ELL2: variants seen among roughly 807,000 people sequenced by gnomAD.
The protein encoded by ELL2 is elongation factor for RNA polymerase II 2.
In ELL2, 21 loss-of-function variants were observed where a neutral mutation model predicts 72.8. That is an observed-to-expected ratio of 0.29 (90% CI 0.20 to 0.42). The LOEUF is 0.42. Ranked by LOEUF, ELL2 falls within the 10% of genes least tolerant of loss-of-function variation. The probability of loss-of-function intolerance (pLI) is 1.00; values close to 1 mark genes in which losing one functional copy is unlikely to be tolerated. For missense variants in ELL2, 568 were observed against 772.8 expected (o/e 0.73, Z 3.14); for synonymous variants, 266 against 283.2 (o/e 0.94, Z 0.61).
At chr5:95,959,774 A>G (rs752734840) in intron 1 of ELL2, among the ~76,000 whole-genome samples, 3 of 152,140 alleles carry the variant, frequency 2.0e-5, no homozygotes, top group Non-Finnish European at 4.4e-5. Context: ...AAAGTCTGTG[A>G]GTCCTTTTCA....
intron 10 of ELL2, among the ~76,000 whole-genome samples, chr5:95,889,909 G>C (rs889905090): frequency 3.0e-5 from 4 of 133,776 alleles, no homozygotes; most frequent in African/African-American, 1.1e-4. Flanking sequence ...CAGGTGCCTG[G>C]GGGGGATAAT....
chr5:95,951,242 G>A (rs907199361), intron 1 of ELL2, among the ~76,000 whole-genome samples: 11 of 151,850 alleles, frequency 7.2e-5, no homozygotes, highest in African/African-American at 2.2e-4. Flanking sequence ...GGTGGTGGGC[G>A]CCTGTAGCCC....
intron 1 of ELL2, among the ~76,000 whole-genome samples, chr5:95,947,331 C>T (rs767853510): frequency 6.6e-6 from 1 of 152,168 alleles, no homozygotes; most frequent in Admixed American, 6.5e-5. Flanking sequence ...CTATTCTTCA[C>T]AACAATTTAG....
chr5:95,928,091 G>A (rs1750461922), intron 2 of ELL2, among the ~76,000 whole-genome samples: 1 of 151,938 alleles, frequency 6.6e-6, no homozygotes, highest in African/African-American at 2.4e-5. Context: ...AAAAAGGGGT[G>A]ATGACAGTTA....
chr5:95,920,514 A>G (rs1750016219), intron 2 of ELL2, among the ~76,000 whole-genome samples: 2 of 151,542 alleles, frequency 1.3e-5, no homozygotes, highest in Non-Finnish European at 2.9e-5. Flanking sequence ...GTTTCACCAC[A>G]GGCAGATGTA....
chr5:95,915,607 T>G (rs1354673721), intron 3 of ELL2, among the ~76,000 whole-genome samples: 3 of 151,984 alleles, frequency 2.0e-5, no homozygotes, highest in Non-Finnish European at 4.4e-5. Flanking sequence ...ATGGACAAAC[T>G]GGAAATCATA....
intron 7 of ELL2, 125 bp downstream of exon 7, chr5:95,900,568 A>G (rs768776986): frequency 2.6e-5 from 17 of 657,034 alleles, no homozygotes; most frequent in South Asian, 1.3e-4. Context: ...CCATAACCAG[A>G]TGGCTTTGGG....
At chr5:95,959,883 G>C (rs903306476) in intron 1 of ELL2, among the ~76,000 whole-genome samples, 8 of 152,070 alleles carry the variant, frequency 5.3e-5, no homozygotes, top group African/African-American at 1.9e-4. Context: ...ACTCACCTCT[G>C]AGCCTCCACT....
chr5:95,908,499 T>G (rs961552001), intron 4 of ELL2, among the ~76,000 whole-genome samples: 2 of 152,322 alleles, frequency 1.3e-5, no homozygotes, highest in Non-Finnish European at 2.9e-5. Context: ...GGCAGGGCAG[T>G]GGCTGCTTTG....
At chr5:95,954,333 C>T (rs931974335) in intron 1 of ELL2, among the ~76,000 whole-genome samples, 1 of 151,930 alleles carries the variant, frequency 6.6e-6, no homozygotes, top group Non-Finnish European at 1.5e-5. Flanking sequence ...ATTAGGGGTA[C>T]TCCTCCTAGT....
In ELL2 at chr5:95,927,772, C is replaced by CATATGTGTGTATATAG. The variant is rs1278211642; in HGVS notation, c.196-8228_196-8227insCTATATACACACATAT. On this transcript the variant is annotated intron_variant, in intron 2 of 11. Coordinates refer to ENST00000237853, the MANE Select transcript of ELL2 (RefSeq NM_012081.6). ...ATGTGTGTATATAGACATACACACA[C>CATATGTGTGTATATAG]ACATATGTGTGTATATAGACATACA... Among the ~76,000 whole-genome samples, 17 of 71,194 alleles carry CATATGTGTGTATATAG rather than the reference C, an allele frequency of 2.4e-4. 4 individuals are homozygous for CATATGTGTGTATATAG. Among genetic ancestry groups the CATATGTGTGTATATAG allele is most frequent in the Non-Finnish European group, 4.4e-4 (17 of 38,306 alleles). The allele number at this position is 71,194 out of a possible 152,430, so 46.7% of individuals were successfully genotyped here. A position where few individuals can be genotyped will look rare whatever the true frequency, so the allele number is the denominator to read the frequency against.
rs770883136 is a variant in ELL2 at position 95,961,596 on chromosome 5, G to A, written c.126C>T (p.Leu42=). 6.2e-7 allele frequency: 1 copy of A among 1,603,776 alleles called. No individual in the cohort carries two copies. The highest frequency in any genetic ancestry group is 1.7e-5 in the Admixed American group (1 of 59,290). ...VKLTETAIRA[L]ETYQSHKNLI... The stretch of plus-strand genomic sequence containing the variant: ...TCACCTTGTGGCTCTGGTAAGTCTC[G>A]AGCGCCCGGATCGCCGTCTCGGTGA... Residue 42 remains leucine, a synonymous_variant, in exon 1 of 12, where the codon CTC becomes CTT. Coordinates refer to ENST00000237853, the MANE Select transcript of ELL2 (RefSeq NM_012081.6).
At chr5:95,894,490 C>T (rs184389702) in intron 9 of ELL2, among the ~76,000 whole-genome samples, 19 of 152,332 alleles carry the variant, frequency 1.2e-4, no homozygotes, top group Admixed American at 1.2e-3. Flanking sequence ...GGTGAACCCC[C>T]TCAGCAGCAG....
At chr5:95,933,446 C>G (rs960626337) in intron 2 of ELL2, among the ~76,000 whole-genome samples, 1 of 151,930 alleles carries the variant, frequency 6.6e-6, no homozygotes, top group Admixed American at 6.6e-5. Flanking sequence ...TATTTAAAAG[C>G]AACTTTTATT....
chr5:95,939,791 C>G (rs916822237), intron 2 of ELL2, among the ~76,000 whole-genome samples: 24 of 152,212 alleles, frequency 1.6e-4, no homozygotes, highest in African/African-American at 5.8e-4. Context: ...ATAAAGCTTA[C>G]TTCACAATAA....
At chr5:95,937,503 CAA>C (rs11436515) in intron 2 of ELL2, among the ~76,000 whole-genome samples, 4 of 135,016 alleles carry the variant, frequency 3.0e-5, no homozygotes, top group Admixed American at 7.4e-5. Flanking sequence ...GACTCCGTCT[CAA>C]AAAAAAAAAA....
At chr5:95,957,131 A>G (rs765136898) in intron 1 of ELL2, among the ~76,000 whole-genome samples, 2 of 152,252 alleles carry the variant, frequency 1.3e-5, no homozygotes, top group Admixed American at 6.5e-5. Context: ...TTGAGTAAAC[A>G]TTTTTTAAAA....
intron 1 of ELL2, among the ~76,000 whole-genome samples, chr5:95,958,950 G>T (rs1177499279): frequency 1.3e-5 from 2 of 151,954 alleles, no homozygotes; most frequent in African/African-American, 2.4e-5. Context: ...GGCAGAGAAA[G>T]AATTTTTGAT....
chr5:95,906,544 G>A lies in ELL2; in HGVS notation c.720C>T (p.Ser240=), dbSNP rs1749365537. 1 of 1,612,924 alleles carries A rather than the reference G, an allele frequency of 6.2e-7. No individual in the cohort carries two copies. The highest frequency in any genetic ancestry group is 1.7e-5 in the Admixed American group (1 of 59,922). ...KDGVNQKDKN[S]LGAILQQVAN... The stretch of plus-strand genomic sequence containing the variant: ...TCACCTGTTGCAGAATTGCTCCCAG[G>A]GAGTTCTTGTCTTTTTGATTGACAC... Residue 240 remains serine (S), a synonymous_variant, in exon 5 of 12, where the codon TCC becomes TCT. Coordinates refer to ENST00000237853, the MANE Select transcript of ELL2 (RefSeq NM_012081.6).
Sources: allele counts gnomAD v4.1 joint callset (sites outside exome capture counted in the v4.1 genomes callset), GRCh38; gene constraint gnomAD v4.1.1; transcripts MANE v1.5; gene names NCBI Gene and HGNC (gene_info 2026-07-23, HGNC 2026-07-21).